Variants in KDM6A observed in about 807,000 individuals in gnomAD.
The protein encoded by KDM6A is lysine-specific demethylase 6A.
A neutral mutation model predicts 117.6 loss-of-function variants in KDM6A; 11 were observed. The observed-to-expected ratio is 0.09, with a 90% confidence interval of 0.06 to 0.15. KDM6A has a LOEUF of 0.15. Ranked by LOEUF, KDM6A falls within the 10% of genes least tolerant of loss-of-function variation. KDM6A has a pLI of 1.00. For missense variants in KDM6A, 799 were observed against 1,077.3 expected (o/e 0.74, Z 3.62); for synonymous variants, 384 against 396.1 (o/e 0.97, Z 0.36).
intron 16 of KDM6A, 57 bp downstream of exon 16, chrX:45,062,805 C>G (rs1206972840): frequency 1.4e-6 from 1 of 737,211 alleles, no homozygotes; most frequent in Non-Finnish European, 2.1e-6. Flanking sequence ...TTTTTATTGA[C>G]TCTAATGTCA....
At chrX:45,032,553 GT>G (rs2042642858) in intron 6 of KDM6A, among the ~76,000 whole-genome samples, 1 of 110,948 alleles carries the variant, frequency 9.0e-6, no homozygotes, top group Non-Finnish European at 1.9e-5. Context: ...TGTTTTTTTT[GT>G]TTTTGTTTTT....
intron 5 of KDM6A, among the ~76,000 whole-genome samples, chrX:45,018,435 T>TC (rs1158661268): frequency 2.7e-5 from 3 of 111,772 alleles, no homozygotes; most frequent in Admixed American, 1.9e-4. Context: ...CAGTGTGTTT[T>TC]TTTAACCTCA....
At chrX:44,917,020 A>G (rs1227211985) in intron 2 of KDM6A, among the ~76,000 whole-genome samples, 2 of 94,891 alleles carry the variant, frequency 2.1e-5, no homozygotes, top group Admixed American at 1.1e-4. Flanking sequence ...CTGTCTATAT[A>G]CTCACTTTTT....
intron 4 of KDM6A, among the ~76,000 whole-genome samples, chrX:44,992,555 A>G (rs1334669125): frequency 2.0e-5 from 2 of 97,595 alleles, no homozygotes; most frequent in East Asian, 6.6e-4. Context: ...TCAAAGATGC[A>G]CTTTTTTTTT....
intron 2 of KDM6A, among the ~76,000 whole-genome samples, chrX:44,919,911 A>C (rs763817457): frequency 9.0e-6 from 1 of 111,651 alleles, no homozygotes; most frequent in South Asian, 3.7e-4. Flanking sequence ...CGCCTGGCCC[A>C]ATTTGCCTTT....
intron 2 of KDM6A, among the ~76,000 whole-genome samples, chrX:44,918,136 AT>A (rs1266898181): frequency 9.0e-6 from 1 of 111,419 alleles, no homozygotes; most frequent in Admixed American, 9.6e-5. Context: ...CCTTATGTGT[AT>A]TTTTTCTACT....
intron 27 of KDM6A, among the ~76,000 whole-genome samples, chrX:45,091,397 T>C (rs2045889711): frequency 8.9e-6 from 1 of 111,784 alleles, no homozygotes; most frequent in Non-Finnish European, 1.9e-5. Flanking sequence ...TTCACATTTG[T>C]TTTCACAGTT....
At chrX:44,916,309 A>C (rs1022769650) in intron 2 of KDM6A, among the ~76,000 whole-genome samples, 6 of 110,645 alleles carry the variant, frequency 5.4e-5, no homozygotes, top group African/African-American at 1.3e-4. Context: ...AGAAATAGTA[A>C]GTAGTCTTCT....
At chrX:45,007,744 A>G (rs1254987301) in intron 4 of KDM6A, among the ~76,000 whole-genome samples, 1 of 111,356 alleles carries the variant, frequency 9.0e-6, no homozygotes, top group Non-Finnish European at 1.9e-5. Context: ...TCAACACACA[A>G]GTAACAAATA....
chrX:44,941,184 C>T (rs1442177453), intron 2 of KDM6A, among the ~76,000 whole-genome samples: 3 of 111,825 alleles, frequency 2.7e-5, no homozygotes, highest in Non-Finnish European at 5.6e-5. Context: ...TAGTGTTTAG[C>T]TCTGTTTGAT....
intron 18 of KDM6A, among the ~76,000 whole-genome samples, chrX:45,071,078 C>T (rs908210246): frequency 8.9e-6 from 1 of 112,024 alleles, no homozygotes; most frequent in Non-Finnish European, 1.9e-5. Context: ...TTGTATATGA[C>T]ACATATATAA....
At chrX:45,049,330 CT>C (rs1456761510) in intron 8 of KDM6A, among the ~76,000 whole-genome samples, 1 of 111,792 alleles carries the variant, frequency 8.9e-6, no homozygotes, top group Non-Finnish European at 1.9e-5. Context: ...TCTGCCTATG[CT>C]TTTTGAGTCA....
intron 3 of KDM6A, among the ~76,000 whole-genome samples, chrX:44,962,016 A>G (rs929573231): frequency 8.9e-6 from 1 of 111,798 alleles, no homozygotes; most frequent in African/African-American, 3.3e-5. Context: ...CGCCCTTCCA[A>G]TACCAAAGAA....
intron 6 of KDM6A, 46 bp from the exon 7 acceptor site, chrX:45,034,885 G>T: frequency 9.5e-7 from 1 of 1,058,072 alleles, no homozygotes; most frequent in Non-Finnish European, 1.3e-6. Context: ...ATGCTTTTGT[G>T]TGACTCTAAA....
intron 6 of KDM6A, among the ~76,000 whole-genome samples, chrX:45,021,799 A>T (rs1459949912): frequency 2.7e-5 from 3 of 111,788 alleles, no homozygotes; most frequent in African/African-American, 9.8e-5. Context: ...GCAGTCGAGG[A>T]ATAAGTTCCA....
intron 2 of KDM6A, among the ~76,000 whole-genome samples, chrX:44,879,482 C>T (rs1207838942): frequency 8.9e-6 from 1 of 112,264 alleles, no homozygotes; most frequent in Non-Finnish European, 1.9e-5. Context: ...CTTAAGTACT[C>T]ATATTGAAAC....
intron 2 of KDM6A, among the ~76,000 whole-genome samples, chrX:44,941,402 C>G (rs754641342): frequency 9.0e-6 from 1 of 110,783 alleles, no homozygotes; most frequent in Non-Finnish European, 1.9e-5. Flanking sequence ...GTACTTCTGC[C>G]CTTTTCTTAG....
At chrX:44,960,228 A>T (rs1282789071) in intron 2 of KDM6A, among the ~76,000 whole-genome samples, 2 of 111,456 alleles carry the variant, frequency 1.8e-5, no homozygotes, top group Non-Finnish European at 3.8e-5. Flanking sequence ...CAAACTTGCA[A>T]GTGTTCCTGG....
chrX:44,908,417 T>C (rs1484325397), intron 2 of KDM6A, among the ~76,000 whole-genome samples: 1 of 111,553 alleles, frequency 9.0e-6, no homozygotes, highest in Non-Finnish European at 1.9e-5. Flanking sequence ...TTGTGATGAC[T>C]CATGGCAGAG....
Sources: gnomAD v4.1 joint callset for allele counts (sites outside exome capture counted in the v4.1 genomes callset) on GRCh38, gnomAD v4.1.1 for gene constraint, MANE v1.5 for transcripts, NCBI Gene and HGNC (gene_info 2026-07-23, HGNC 2026-07-21) for gene names.